PCDHA3: variants seen among roughly 807,000 people sequenced by gnomAD.
PCDHA3 encodes protocadherin alpha 3, also known as protocadherin alpha-3.
A neutral mutation model predicts 62.2 loss-of-function variants in PCDHA3; 41 were observed. The ratio of observed to expected loss-of-function variants is 0.66; its 90% CI spans 0.51 to 0.86. The LOEUF (loss-of-function observed/expected upper bound fraction) is 0.86. Among genes scored for constraint, PCDHA3 ranks in the 40% least tolerant of loss-of-function variants. The pLI, the probability that PCDHA3 is intolerant of heterozygous loss-of-function variation, is 0.00. For missense variants in PCDHA3, 1,304 were observed against 1,241.2 expected, an observed-to-expected ratio of 1.05 and a Z score of -0.76; for synonymous variants, 640 against 555.4, an observed-to-expected ratio of 1.15 and a Z score of -2.14.
chr5:140,823,591 C>T (rs1767789904), intron 1 of PCDHA3: 3 of 1,613,886 alleles, frequency 1.9e-6, no homozygotes, highest in Admixed American at 1.7e-5. Flanking sequence ...CAACGCTTGG[C>T]TTTCGTATGA....
rs2150311010 is a variant in PCDHA3 at position 140,841,095 on chromosome 5, A to G, written c.2394+37504A>G. On this transcript the variant is annotated intron_variant, in intron 1 of 3. Transcript: ENST00000522353. ...ATAGAAAGTGCATAGAAGAACCCAGATATTGCGGAAGTAATTCATGTAATC... is the reference window on the plus strand; with the variant it reads ...ATAGAAAGTGCATAGAAGAACCCAGGTATTGCGGAAGTAATTCATGTAATC... The G allele has an allele frequency of 8.8e-5, 50 of 569,466 alleles. 1 individual carries two copies. The highest frequency in any genetic ancestry group is 1.5e-4 in the Non-Finnish European group (49 of 329,750). The allele number at this position is 569,466 out of a possible 1,614,324, so 35.3% of individuals were successfully genotyped here. A position where few individuals can be genotyped will look rare whatever the true frequency, so the allele number is the denominator to read the frequency against.
At chr5:140,823,057 G>T in intron 1 of PCDHA3, 18 of 1,614,174 alleles carry the variant, frequency 1.1e-5, no homozygotes, top group East Asian at 2.2e-5. Context: ...GACCGCGCGG[G>T]ACGGGGGCTC....
intron 1 of PCDHA3, among the ~76,000 whole-genome samples, chr5:140,874,476 A>G (rs1024531291): frequency 1.1e-4 from 17 of 152,236 alleles, no homozygotes; most frequent in Non-Finnish European, 8.8e-5. Context: ...TTAGAGAAAA[A>G]GCAAAAGGTT....
intron 1 of PCDHA3, among the ~76,000 whole-genome samples, chr5:140,972,097 T>C (rs1554233843): frequency 1.3e-5 from 2 of 152,196 alleles, no homozygotes; most frequent in South Asian, 2.1e-4. Context: ...ATTTCTGGCA[T>C]AGAAGCAGGT....
At position 140,877,386 on chromosome 5, in the gene PCDHA3, T is replaced by G. The variant is rs782310487; in HGVS notation, c.2394+73795T>G. 5 of 1,613,816 alleles carry G rather than the reference T, an allele frequency of 3.1e-6. No individual in the cohort carries two copies. In the African/African-American group the frequency reaches 6.7e-5, roughly 22 times the overall value. On this transcript the variant is annotated intron_variant, in intron 1 of 3. Coordinates refer to ENST00000522353, the MANE Select transcript of PCDHA3 (RefSeq NM_018906.3). ...AGATCAGCACGACACGCATCCTGGA[T>G]GAGGCGGACGCTCCGCGCCACCGCC... is the stretch of plus-strand genomic sequence containing the variant.
intron 1 of PCDHA3, among the ~76,000 whole-genome samples, chr5:140,977,726 C>T (rs368776202): frequency 2.0e-5 from 3 of 152,290 alleles, no homozygotes; most frequent in African/African-American, 7.2e-5. Flanking sequence ...GATCATTTCT[C>T]TCCTGGGTGT....
At chr5:140,867,196 T>G (rs2049814377) in intron 1 of PCDHA3, 1 of 152,086 alleles carries the variant, frequency 6.6e-6, no homozygotes, top group Non-Finnish European at 1.5e-5. Context: ...AGACTCCACA[T>G]TCCATGTAAC....
chr5:140,929,180 G>A, intron 1 of PCDHA3: 1 of 1,614,150 alleles, frequency 6.2e-7, no homozygotes, highest in Non-Finnish European at 8.5e-7. Context: ...CTGGGACTTG[G>A]TTCTGATAAT....
chr5:140,948,763 C>T (rs1195337502), intron 1 of PCDHA3, among the ~76,000 whole-genome samples: 4 of 151,102 alleles, frequency 2.6e-5, no homozygotes, highest in Non-Finnish European at 4.4e-5. Flanking sequence ...TGATTTTTTT[C>T]GAATAGCCAG....
chr5:140,940,610 G>A (rs1394761541), intron 1 of PCDHA3, among the ~76,000 whole-genome samples: 1 of 151,836 alleles, frequency 6.6e-6, no homozygotes, highest in Non-Finnish European at 1.5e-5. Context: ...GCTGCTCCTG[G>A]CTCCTGCAAA....
intron 1 of PCDHA3, among the ~76,000 whole-genome samples, chr5:140,845,577 T>C (rs2150380022): frequency 1.3e-5 from 2 of 149,706 alleles, no homozygotes; most frequent in East Asian, 1.9e-4. Context: ...ATTTCTGGGA[T>C]TGAAATGTGT....
chr5:140,860,028 C>A (rs2046140974), intron 1 of PCDHA3: 1 of 151,914 alleles, frequency 6.6e-6, no homozygotes, highest in South Asian at 2.1e-4. Context: ...GTGGCTCACA[C>A]CTGTAATCCC....
intron 1 of PCDHA3, chr5:140,869,477 A>C: frequency 6.2e-7 from 1 of 1,614,208 alleles, no homozygotes; most frequent in South Asian, 1.1e-5. Context: ...GAGGTGAAGG[A>C]CATTAACGAC....
intron 1 of PCDHA3, chr5:140,870,291 G>A (rs372143455): frequency 3.2e-5 from 52 of 1,614,052 alleles, no homozygotes; most frequent in Non-Finnish European, 3.6e-5. Context: ...CCTTCAAGCT[G>A]GTGTCCACCT....
At chr5:140,941,194 T>TTTCTTC (rs2092780236) in intron 1 of PCDHA3, among the ~76,000 whole-genome samples, 5 of 112,438 alleles carry the variant, frequency 4.4e-5, no homozygotes, top group African/African-American at 1.8e-4. Flanking sequence ...TCTTTTTTTT[T>TTTCTTC]CTTTCTTCCT....
chr5:140,847,333 C>T (rs2150399030), intron 1 of PCDHA3: 10 of 149,874 alleles, frequency 6.7e-5, no homozygotes, highest in African/African-American at 1.9e-4. Flanking sequence ...TTGTTAAATG[C>T]ACCTCTTAGG....
chr5:140,999,217 A>G (rs2097851437), intron 3 of PCDHA3, among the ~76,000 whole-genome samples: 1 of 152,232 alleles, frequency 6.6e-6, no homozygotes, highest in Non-Finnish European at 1.5e-5. Context: ...TGGAAGTACT[A>G]CATTTGAGAA....
intron 3 of PCDHA3, among the ~76,000 whole-genome samples, chr5:141,003,696 T>C (rs1554259206): frequency 6.6e-6 from 1 of 152,210 alleles, no homozygotes; most frequent in East Asian, 1.9e-4. Flanking sequence ...AATATATCCC[T>C]ACCAATTGTG....
chr5:140,914,095 C>T (rs1368870998), intron 1 of PCDHA3, among the ~76,000 whole-genome samples: 1 of 152,082 alleles, frequency 6.6e-6, no homozygotes, highest in Admixed American at 6.5e-5. Context: ...TCAATTTGTT[C>T]TATAGTGCAG....
Sources: allele counts gnomAD v4.1 joint callset (sites outside exome capture counted in the v4.1 genomes callset), GRCh38; gene constraint gnomAD v4.1.1; transcripts MANE v1.5; gene names NCBI Gene and HGNC (gene_info 2026-07-23, HGNC 2026-07-21).